TMEM131: variants seen among roughly 807,000 people sequenced by gnomAD.
TMEM131 encodes 2610524E03Rik.
In TMEM131, 66 loss-of-function variants were observed where a neutral mutation model predicts 211.6. That is an observed-to-expected ratio of 0.31 (90% CI 0.26 to 0.38). TMEM131 has a LOEUF of 0.38. Among genes scored for constraint, TMEM131 ranks in the 10% least tolerant of loss-of-function variants. The probability of loss-of-function intolerance (pLI) is 1.00; values close to 1 mark genes in which losing one functional copy is unlikely to be tolerated. For synonymous variants in TMEM131, 844 were observed against 841.3 expected (o/e 1.00, Z -0.06); for missense variants, 2,036 against 2,299.3 (o/e 0.89, Z 2.34).
chr2:97,937,609 G>A (rs779477848), intron 1 of TMEM131, among the ~76,000 whole-genome samples: 5 of 151,620 alleles, frequency 3.3e-5, no homozygotes, highest in Non-Finnish European at 5.9e-5. Context: ...GCTACAAGAG[G>A]AAAAAAGACA....
intron 3 of TMEM131, among the ~76,000 whole-genome samples, chr2:97,891,472 G>T (rs185850431): frequency 2.1e-4 from 32 of 151,164 alleles, no homozygotes; most frequent in Non-Finnish European, 4.6e-4. Context: ...GATTACACAT[G>T]TTCTGAAGTG....
intron 1 of TMEM131, among the ~76,000 whole-genome samples, chr2:97,934,324 C>T (rs1221299378): frequency 6.6e-6 from 1 of 152,060 alleles, no homozygotes; most frequent in Non-Finnish European, 1.5e-5. Flanking sequence ...AAAGCATGCA[C>T]AGGACATATG....
Position 97,837,096 on chromosome 2 carries a change from CCTT to C in TMEM131, c.782_784del (p.Gln261_Gly262delinsArg). On this transcript the variant is annotated inframe_deletion, in exon 8 of 41. Transcript: ENST00000186436. ...ACTCACCCACAGTTTTCTGGTACCT[CCTT>C]GTTGACCCGTTGGGAGTTCTAGGTG... The C allele has an allele frequency of 1.2e-6, 2 of 1,612,586 alleles. No homozygotes were observed. The highest frequency in any genetic ancestry group is 8.5e-7 in the Non-Finnish European group (1 of 1,179,294).
intron 13 of TMEM131, 145 bp from the exon 14 acceptor site, chr2:97,814,533 T>C (rs1681724109): frequency 1.2e-6 from 1 of 860,058 alleles, no homozygotes; most frequent in East Asian, 2.9e-5. Context: ...ATTTTAGTGA[T>C]TGACTATATG....
intron 3 of TMEM131, among the ~76,000 whole-genome samples, chr2:97,892,362 T>C (rs1029012514): frequency 2.0e-5 from 3 of 152,150 alleles, no homozygotes; most frequent in African/African-American, 7.2e-5. Context: ...ATGATGATCA[T>C]TTTTTCTTTT....
chr2:97,760,360 G>A (rs1245614082), intron 38 of TMEM131: 2 of 559,892 alleles, frequency 3.6e-6, no homozygotes, highest in Non-Finnish European at 6.4e-6. Context: ...GCCTGGCTGA[G>A]ACAGGCATGG....
At chr2:97,936,428 C>T (rs1464443963) in intron 1 of TMEM131, among the ~76,000 whole-genome samples, 1 of 152,174 alleles carries the variant, frequency 6.6e-6, no homozygotes, top group Non-Finnish European at 1.5e-5. Context: ...GAGGGGAAGG[C>T]TAAGGAACAG....
chr2:97,872,454 C>T (rs1024818457), intron 4 of TMEM131, among the ~76,000 whole-genome samples: 2 of 152,118 alleles, frequency 1.3e-5, no homozygotes, highest in Admixed American at 6.5e-5. Flanking sequence ...GCTCCCCAAC[C>T]GCAATAAAAA....
intron 2 of TMEM131, among the ~76,000 whole-genome samples, chr2:97,917,845 T>A (rs1676572275): frequency 6.6e-6 from 1 of 152,110 alleles, no homozygotes; most frequent in Non-Finnish European, 1.5e-5. Flanking sequence ...GCTGATTCAA[T>A]CACTGACCAC....
At chr2:97,937,679 C>T (rs575119661) in intron 1 of TMEM131, among the ~76,000 whole-genome samples, 83 of 152,174 alleles carry the variant, frequency 5.5e-4, no homozygotes, top group African/African-American at 1.9e-3. Flanking sequence ...ATACGTGAAC[C>T]TAACAAGAGA....
intron 1 of TMEM131, among the ~76,000 whole-genome samples, chr2:97,965,156 C>A (rs1228328828): frequency 6.6e-6 from 1 of 152,202 alleles, no homozygotes; most frequent in Non-Finnish European, 1.5e-5. Flanking sequence ...CACTCCCACC[C>A]ATTTCAGTCC....
intron 5 of TMEM131, among the ~76,000 whole-genome samples, chr2:97,849,820 G>C (rs1417453323): frequency 6.9e-6 from 1 of 145,518 alleles, no homozygotes; most frequent in African/African-American, 2.6e-5. Context: ...AAGGGTCTCA[G>C]TGTTCATGTT....
At chr2:97,860,661 G>A (rs1320614071) in intron 4 of TMEM131, among the ~76,000 whole-genome samples, 2 of 152,174 alleles carry the variant, frequency 1.3e-5, no homozygotes, top group Non-Finnish European at 2.9e-5. Context: ...GTGAACAGCT[G>A]ATAATTTTCA....
intron 19 of TMEM131, among the ~76,000 whole-genome samples, chr2:97,806,255 A>C (rs1344196198): frequency 1.3e-5 from 2 of 152,182 alleles, no homozygotes; most frequent in Non-Finnish European, 2.9e-5. Flanking sequence ...ACAGTACACA[A>C]GCTGGGCACA....
intron 1 of TMEM131, among the ~76,000 whole-genome samples, chr2:97,943,075 AAGAAAGAAAG>A: frequency 1.4e-5 from 2 of 143,710 alleles, no homozygotes; most frequent in East Asian, 2.0e-4. Flanking sequence ...GAAAGAAAGA[AAGAAAGAAAG>A]AAAGAAAGAA....
At chr2:97,775,125 G>A (rs1396308028) in intron 32 of TMEM131, among the ~76,000 whole-genome samples, 1 of 152,186 alleles carries the variant, frequency 6.6e-6, no homozygotes, top group Non-Finnish European at 1.5e-5. Flanking sequence ...AAGCGCCAGA[G>A]TGGAATTATT....
At chr2:97,868,141 A>C (rs1674346061) in intron 4 of TMEM131, among the ~76,000 whole-genome samples, 1 of 152,146 alleles carries the variant, frequency 6.6e-6, no homozygotes, top group Non-Finnish European at 1.5e-5. Context: ...TATCTAAATT[A>C]ACCCCTCTAT....
At chr2:97,961,849 T>C (rs1340565045) in intron 1 of TMEM131, among the ~76,000 whole-genome samples, 1 of 152,192 alleles carries the variant, frequency 6.6e-6, no homozygotes, top group Non-Finnish European at 1.5e-5. Flanking sequence ...AAAGTGAACT[T>C]ACGGGAAATT....
chr2:97,777,845 A>G (rs984847149), intron 31 of TMEM131, among the ~76,000 whole-genome samples: 55 of 152,192 alleles, frequency 3.6e-4, no homozygotes, highest in African/African-American at 1.3e-3. Flanking sequence ...ACCAAGCCAA[A>G]CCAAACCAAA....
Sources: gnomAD v4.1 joint callset for allele counts (sites outside exome capture counted in the v4.1 genomes callset) on GRCh38, gnomAD v4.1.1 for gene constraint, MANE v1.5 for transcripts, NCBI Gene and HGNC (gene_info 2026-07-23, HGNC 2026-07-21) for gene names.